The following P3H2 variants were observed in gnomAD, a reference collection of about 807,000 sequenced individuals.
The protein encoded by P3H2 is prolyl 3-hydroxylase 2.
P3H2 carries 80 observed loss-of-function variants against 87.0 expected under a neutral mutation model. That is an observed-to-expected ratio of 0.92 (90% CI 0.77 to 1.11). The LOEUF (loss-of-function observed/expected upper bound fraction) is 1.11, where lower values mean the gene tolerates loss of function less well. Ranked by LOEUF, P3H2 falls within the 50% of genes least tolerant of loss-of-function variation. The probability of loss-of-function intolerance (pLI) is 0.00; values close to 1 mark genes in which losing one functional copy is unlikely to be tolerated. For missense variants in P3H2, 1,001 were observed against 923.9 expected, an observed-to-expected ratio of 1.08 and a Z score of -1.08; for synonymous variants, 367 against 359.3, an observed-to-expected ratio of 1.02 and a Z score of -0.24.
Position 189,984,606 on chromosome 3 carries a change from T to TAAAAA in P3H2, c.1189-21_1189-17dup, listed in dbSNP as rs11311050. ...TCCAATAATTCTGTTTTGAATCGAG[T>TAAAAA]AAAAAAAAAAATGCAGTAATTTTGT... On this transcript the variant is annotated splice_polypyrimidine_tract_variant and intron_variant, in intron 6 of 14. Coordinates refer to ENST00000319332, the MANE Select transcript of P3H2 (RefSeq NM_018192.4). The TAAAAA allele has an allele frequency of 7.3e-7, 1 of 1,361,958 alleles. No individual in the cohort carries two copies. Among genetic ancestry groups the TAAAAA allele is most frequent in the Non-Finnish European group, 1.0e-6 (1 of 979,802 alleles). The allele number at this position is 1,361,958 out of a possible 1,614,324, so 84.4% of individuals were successfully genotyped here. A position where few individuals can be genotyped will look rare whatever the true frequency, so the allele number is the denominator to read the frequency against.
At chr3:190,068,832 T>C (rs1268887964) in intron 1 of P3H2, among the ~76,000 whole-genome samples, 2 of 147,932 alleles carry the variant, frequency 1.4e-5, no homozygotes, top group Non-Finnish European at 3.0e-5. Context: ...TCTCTACATA[T>C]AGATGCTTTT....
At chr3:190,000,431 G>A (rs750959196) in intron 1 of P3H2, among the ~76,000 whole-genome samples, 5 of 152,188 alleles carry the variant, frequency 3.3e-5, no homozygotes, top group Non-Finnish European at 5.9e-5. Flanking sequence ...TATAACAAAT[G>A]TTGACATTCT....
chr3:190,047,588 T>C (rs1332193476), intron 1 of P3H2, among the ~76,000 whole-genome samples: 1 of 152,182 alleles, frequency 6.6e-6, no homozygotes, highest in Admixed American at 6.5e-5. Context: ...CTCGTGTGTA[T>C]ATATACACCA....
At chr3:190,109,905 G>A in intron 1 of P3H2, among the ~76,000 whole-genome samples, 1 of 145,644 alleles carries the variant, frequency 6.9e-6, no homozygotes, top group Non-Finnish European at 1.5e-5. Flanking sequence ...CTGGAATGCA[G>A]TGGCGTGATC....
At chr3:190,034,023 C>G (rs754982) in intron 1 of P3H2, among the ~76,000 whole-genome samples, 86,780 of 151,594 alleles carry the variant, frequency 0.57, 26,955 homozygotes, top group South Asian at 0.71. Context: ...GCTACAATTT[C>G]AAGCTCACGT....
chr3:190,027,123 G>A (rs1725107771), intron 1 of P3H2, among the ~76,000 whole-genome samples: 1 of 152,128 alleles, frequency 6.6e-6, no homozygotes, highest in African/African-American at 2.4e-5. Context: ...GCACTGAGAA[G>A]TACAACTAAC....
intron 14 of P3H2, among the ~76,000 whole-genome samples, chr3:189,959,550 T>A (rs1179844893): frequency 2.0e-5 from 3 of 152,016 alleles, no homozygotes; most frequent in African/African-American, 7.3e-5. Flanking sequence ...TCTTTAGGTT[T>A]ATTTTGCCTC....
chr3:190,093,529 G>T (rs574920910), intron 1 of P3H2, among the ~76,000 whole-genome samples: 3 of 152,308 alleles, frequency 2.0e-5, no homozygotes, highest in African/African-American at 7.2e-5. Flanking sequence ...TGTCCTCACG[G>T]TTGTTGAACT....
At chr3:190,081,242 G>A (rs553519259) in intron 1 of P3H2, among the ~76,000 whole-genome samples, 3 of 152,080 alleles carry the variant, frequency 2.0e-5, no homozygotes, top group Non-Finnish European at 4.4e-5. Context: ...TTGACACATG[G>A]AAGCCTAGAA....
chr3:190,081,290 T>C (rs1171204933), intron 1 of P3H2, among the ~76,000 whole-genome samples: 4 of 152,194 alleles, frequency 2.6e-5, no homozygotes, highest in Admixed American at 6.5e-5. Flanking sequence ...CTTAAAGAGA[T>C]AGAAGTCTTT....
chr3:190,085,805 T>C (rs1051310571), intron 1 of P3H2, among the ~76,000 whole-genome samples: 2 of 152,196 alleles, frequency 1.3e-5, no homozygotes, highest in African/African-American at 4.8e-5. Context: ...TTTTACTTTG[T>C]TGATAATATT....
intron 1 of P3H2, among the ~76,000 whole-genome samples, chr3:190,033,936 C>T (rs532754229): frequency 2.0e-5 from 3 of 152,232 alleles, no homozygotes; most frequent in East Asian, 1.9e-4. Context: ...CAGAAATTTG[C>T]GTACAGTGGT....
At chr3:190,003,011 T>C (rs1201425566) in intron 1 of P3H2, among the ~76,000 whole-genome samples, 1 of 152,242 alleles carries the variant, frequency 6.6e-6, no homozygotes, top group Non-Finnish European at 1.5e-5. Context: ...ATTTATGGAA[T>C]GTCACTCTAA....
chr3:189,981,811 C>G (rs1004961274), intron 8 of P3H2, among the ~76,000 whole-genome samples: 1 of 152,168 alleles, frequency 6.6e-6, no homozygotes, highest in Admixed American at 6.5e-5. Flanking sequence ...GCCTAAAAGG[C>G]AACATGAACT....
intron 1 of P3H2, among the ~76,000 whole-genome samples, chr3:190,087,440 A>T (rs984723761): frequency 6.7e-6 from 1 of 149,390 alleles, no homozygotes; most frequent in Middle Eastern, 3.4e-3. Flanking sequence ...GCTACTCCGA[A>T]GGCTGAGGCA....
chr3:190,006,627 G>T (rs1724396232), intron 1 of P3H2, among the ~76,000 whole-genome samples: 1 of 152,280 alleles, frequency 6.6e-6, no homozygotes, highest in Admixed American at 6.5e-5. Context: ...GGGCAGAGTG[G>T]GTGGGTGGCA....
At chr3:190,120,954 C>T, upstream of P3H2, 3 of 602,654 alleles carry the variant, frequency 5.0e-6, no homozygotes, top group Non-Finnish European at 7.9e-6. Context: ...ACACGCTCCT[C>T]CTGCTGCCTG....
intron 1 of P3H2, among the ~76,000 whole-genome samples, chr3:190,075,124 G>C (rs570952814): frequency 2.6e-5 from 4 of 152,188 alleles, no homozygotes; most frequent in Non-Finnish European, 5.9e-5. Flanking sequence ...CTGTTCTCAA[G>C]GAGTTCATAG....
chr3:190,064,208 G>A (rs1349929827), intron 1 of P3H2, among the ~76,000 whole-genome samples: 1 of 150,986 alleles, frequency 6.6e-6, no homozygotes, highest in African/African-American at 2.4e-5. Flanking sequence ...TGTTGCCCAG[G>A]GTGAACTCCT....
Sources: gnomAD v4.1 joint callset for allele counts (sites outside exome capture counted in the v4.1 genomes callset) on GRCh38, gnomAD v4.1.1 for gene constraint, MANE v1.5 for transcripts, NCBI Gene and HGNC (gene_info 2026-07-23, HGNC 2026-07-21) for gene names.